DYM: variants seen among roughly 807,000 people sequenced by gnomAD.
DYM encodes dymeclin, also known as dyggve-Melchior-Clausen syndrome protein.
Under a neutral mutation model 93.1 loss-of-function variants are expected in DYM, and 78 were observed. The observed-to-expected ratio is 0.84, with a 90% CI of 0.70 to 1.01. The LOEUF (loss-of-function observed/expected upper bound fraction) is 1.01. Ranked by LOEUF, DYM falls within the 50% of genes least tolerant of loss-of-function variation. The probability of loss-of-function intolerance (pLI) is 0.00; values close to 1 mark genes in which losing one functional copy is unlikely to be tolerated. For missense variants in DYM, 789 were observed against 845.0 expected, an observed-to-expected ratio of 0.93 and a Z score of 0.82; for synonymous variants, 321 against 319.7, an observed-to-expected ratio of 1.00 and a Z score of -0.04.
chr18:49,074,530 A>G (rs2077148063), intron 17 of DYM, among the ~76,000 whole-genome samples: 1 of 152,222 alleles, frequency 6.6e-6, no homozygotes, highest in Non-Finnish European at 1.5e-5. Flanking sequence ...AATTGTCTAC[A>G]TATAATTGTG....
At chr18:49,151,595 C>T (rs1001994408) in intron 15 of DYM, among the ~76,000 whole-genome samples, 2 of 152,040 alleles carry the variant, frequency 1.3e-5, no homozygotes, top group Non-Finnish European at 2.9e-5. Flanking sequence ...ATTAAAGGAC[C>T]CCAACAGAAA....
chr18:49,135,946 A>T (rs1051755477), intron 15 of DYM, among the ~76,000 whole-genome samples: 1 of 152,262 alleles, frequency 6.6e-6, no homozygotes, highest in Non-Finnish European at 1.5e-5. Flanking sequence ...GTTCACAATC[A>T]TGACCAAAAG....
intron 7 of DYM, among the ~76,000 whole-genome samples, chr18:49,332,948 A>T (rs1267361739): frequency 6.6e-6 from 1 of 152,174 alleles, no homozygotes; most frequent in Non-Finnish European, 1.5e-5. Flanking sequence ...AGAGGGTTCC[A>T]ATGCAAACCT....
rs1038001070 is a variant in DYM, at chr18:49,218,400, C to T, written c.1461-8685G>A. 1.4e-3 allele frequency among the ~76,000 whole-genome samples: 218 copies of T among 152,250 alleles called. 1 individual carries two copies. Among genetic ancestry groups the T allele is most frequent in the African/African-American group, 4.7e-3 (197 of 41,540 alleles). On this transcript the variant is annotated intron_variant, in intron 13 of 17. Coordinates refer to ENST00000675505, the MANE Select transcript of DYM (RefSeq NM_001353214.3). ...GAATTGAACTCAGCTCTGCACCAAGCGGACCTAATAGACATCTACAGAACT... is the reference window on the plus strand; with the variant it reads ...GAATTGAACTCAGCTCTGCACCAAGTGGACCTAATAGACATCTACAGAACT...
rs770460178 is a variant in DYM at position 49,331,885 on chromosome 18, C to G, written c.742G>C (p.Gly248Arg). The G allele has an allele frequency of 6.2e-7, 1 of 1,613,922 alleles. No homozygotes were observed. Among genetic ancestry groups the G allele is most frequent in the Non-Finnish European group, 8.5e-7 (1 of 1,179,988 alleles). ...TTACTTGCTACTCCTGATGCAAGTC[C>G]ATAAAGCAGTCCTCCCCCATCCGAC... ...QQSDGGGLLY[G>R]LASGVATGLW... Residue 248 changes from glycine (G) to arginine (R), a missense_variant, in exon 8 of 18, where the codon GGA becomes CGA. Physicochemically the swap from Gly to Arg is moderately radical, Grantham distance 125 (BLOSUM62 -2). Coordinates refer to ENST00000675505, the MANE Select transcript of DYM (RefSeq NM_001353214.3).
At chr18:49,341,599 G>A (rs693714) in intron 6 of DYM, among the ~76,000 whole-genome samples, 1 of 151,418 alleles carries the variant, frequency 6.6e-6, no homozygotes, top group Non-Finnish European at 1.5e-5. Context: ...ATTCATGAAA[G>A]AAGAGTGGCC....
At chr18:49,075,885 C>T (rs2077261122) in intron 17 of DYM, among the ~76,000 whole-genome samples, 1 of 152,188 alleles carries the variant, frequency 6.6e-6, no homozygotes, top group African/African-American at 2.4e-5. Flanking sequence ...GGCTAGTTTA[C>T]AGTAAAGATC....
chr18:49,075,622 A>G (rs1298404325), intron 17 of DYM, among the ~76,000 whole-genome samples: 1 of 152,210 alleles, frequency 6.6e-6, no homozygotes. Context: ...GAGGAAAACT[A>G]TAGACACATA....
chr18:49,098,074 C>T (rs569802331), intron 16 of DYM, among the ~76,000 whole-genome samples: 1 of 152,256 alleles, frequency 6.6e-6, no homozygotes, highest in Admixed American at 6.5e-5. Flanking sequence ...CCAAAGTATG[C>T]AGCAAGATAT....
At chr18:49,053,773 T>C (rs908214512) in intron 17 of DYM, among the ~76,000 whole-genome samples, 5 of 152,362 alleles carry the variant, frequency 3.3e-5, no homozygotes, top group African/African-American at 1.2e-4. Context: ...CCTATTGCTG[T>C]GTAACTTTAG....
chr18:49,429,088 C>T lies in DYM; in HGVS notation c.140+1167G>A, dbSNP rs551523808. Among the ~76,000 whole-genome samples, 89 of 152,286 alleles carry T rather than the reference C, an allele frequency of 5.8e-4. 4 individuals carry two copies. The South Asian group carries it at 0.018, about 31-fold the overall frequency. ...TGCCTCTGCCAGCTTCTAGAAGCTGCTCATATTTCTTGCTCATGACCTCCC... is the reference window on the plus strand; with the variant it reads ...TGCCTCTGCCAGCTTCTAGAAGCTGTTCATATTTCTTGCTCATGACCTCCC... On this transcript the variant is annotated intron_variant, in intron 2 of 17. Transcript: ENST00000675505.
intron 15 of DYM, among the ~76,000 whole-genome samples, chr18:49,123,533 T>C (rs1278728469): frequency 6.6e-6 from 1 of 152,224 alleles, no homozygotes; most frequent in Non-Finnish European, 1.5e-5. Flanking sequence ...TAGCAGGGAA[T>C]CTGGCACTAG....
chr18:49,409,059 TG>T (rs1297818145), intron 2 of DYM, among the ~76,000 whole-genome samples: 1 of 151,988 alleles, frequency 6.6e-6, no homozygotes, highest in Non-Finnish European at 1.5e-5. Flanking sequence ...CCGAGGCAGG[TG>T]GATCACCTGA....
At chr18:49,261,658 A>G (rs1355317813) in intron 11 of DYM, among the ~76,000 whole-genome samples, 2 of 152,218 alleles carry the variant, frequency 1.3e-5, no homozygotes, top group Non-Finnish European at 2.9e-5. Flanking sequence ...AATAAATTCC[A>G]TAAGTTATAT....
At chr18:49,185,621 T>C (rs866637051) in intron 14 of DYM, among the ~76,000 whole-genome samples, 1 of 152,248 alleles carries the variant, frequency 6.6e-6, no homozygotes, top group African/African-American at 2.4e-5. Flanking sequence ...ACTGCTAATG[T>C]ATAAAAAGTA....
chr18:49,081,062 G>C (rs894934121), intron 17 of DYM, among the ~76,000 whole-genome samples: 2 of 151,342 alleles, frequency 1.3e-5, no homozygotes. Context: ...CCAGACGATG[G>C]GCGGCCAGGC....
At chr18:49,062,875 G>A (rs2076091398) in intron 17 of DYM, among the ~76,000 whole-genome samples, 1 of 152,202 alleles carries the variant, frequency 6.6e-6, no homozygotes, top group African/African-American at 2.4e-5. Context: ...AAATGAGGGT[G>A]GAAATGGATG....
At chr18:49,289,732 T>A (rs1239147388) in intron 8 of DYM, among the ~76,000 whole-genome samples, 21 of 8,378 alleles carry the variant, frequency 2.5e-3, no homozygotes, top group African/African-American at 6.7e-3. Context: ...TATGTGTATA[T>A]ATATATATAT....
At chr18:49,253,003 C>T (rs558942277) in intron 13 of DYM, among the ~76,000 whole-genome samples, 18 of 152,260 alleles carry the variant, frequency 1.2e-4, no homozygotes, top group Non-Finnish European at 2.9e-5. Context: ...GTAGAAGGCA[C>T]ATGGTCATTA....
Sources: allele counts gnomAD v4.1 joint callset (sites outside exome capture counted in the v4.1 genomes callset), GRCh38; gene constraint gnomAD v4.1.1; transcripts MANE v1.5; gene names NCBI Gene and HGNC (gene_info 2026-07-23, HGNC 2026-07-21).